The following HSPA12A variants were observed in gnomAD, a reference collection of about 807,000 sequenced individuals.
HSPA12A encodes the protein heat shock protein family A (Hsp70) member 12A, also known as heat shock 70 kDa protein 12A.
In HSPA12A, 28 loss-of-function variants were observed where a neutral mutation model predicts 69.2. That is an observed-to-expected ratio of 0.40 (90% confidence interval 0.30 to 0.55). The LOEUF is 0.55. HSPA12A is among the 20% of genes least tolerant of loss of function. The pLI, the probability that HSPA12A is intolerant of heterozygous loss-of-function variation, is 0.38. For synonymous variants in HSPA12A, 345 were observed against 370.5 expected (o/e 0.93, Z 0.79); for missense variants, 686 against 900.7 (o/e 0.76, Z 3.05).
At chr10:116,793,643 G>A (rs1399726624) in intron 2 of HSPA12A, among the ~76,000 whole-genome samples, 1 of 152,060 alleles carries the variant, frequency 6.6e-6, no homozygotes, top group African/African-American at 2.4e-5. Context: ...TGCAAATCAA[G>A]AGAGGGAGAA....
rs950546125 is a variant in HSPA12A at position 116,675,752 on chromosome 10, G to A, written c.1391-334C>T. Among the ~76,000 whole-genome samples the A allele has an allele frequency of 2.0e-5, 3 of 152,188 alleles. No homozygotes were observed. Among genetic ancestry groups the A allele is most frequent in the Non-Finnish European group, 4.4e-5 (3 of 68,038 alleles). On this transcript the variant is annotated intron_variant, in intron 11 of 11. Coordinates refer to ENST00000369209, the MANE Select transcript of HSPA12A (RefSeq NM_025015.3). The surrounding 1 kb of genome is among the most constrained non-coding windows in gnomAD (Gnocchi z 5.2). ...CTGTGGTTCTGTTGGGTAAGTCAAGGCAGGTTGTTATAAATAGAATTCTCT... is the reference window on the plus strand; with the variant it reads ...CTGTGGTTCTGTTGGGTAAGTCAAGACAGGTTGTTATAAATAGAATTCTCT...
chr10:116,844,226 T>C (rs1845845244), intron 1 of HSPA12A, among the ~76,000 whole-genome samples: 1 of 152,218 alleles, frequency 6.6e-6, no homozygotes, highest in African/African-American at 2.4e-5. Context: ...CTTTTGTGGC[T>C]GTTCTGCAGA....
chr10:116,698,542 C>T lies in HSPA12A; in HGVS notation c.546+93G>A, dbSNP rs1235678999. 11 of 935,540 alleles carry T rather than the reference C, an allele frequency of 1.2e-5. No individual in the cohort carries two copies. The African/African-American group carries it at 1.4e-4, about 12-fold the overall frequency. The allele number at this position is 935,540 out of a possible 1,614,324, so 58.0% of individuals were successfully genotyped here. A position where few individuals can be genotyped will look rare whatever the true frequency, so the allele number is the denominator to read the frequency against. ...CTCTCCCTCCAGGCTGTGCCTCCTA[C>T]CCTGGCCAGCAGGTGCAGCAGCCCG... On this transcript the variant is annotated intron_variant, in intron 5 of 11. Coordinates refer to ENST00000369209, the MANE Select transcript of HSPA12A (RefSeq NM_025015.3).
At chr10:116,793,435 G>A (rs761187429) in intron 2 of HSPA12A, among the ~76,000 whole-genome samples, 2 of 152,202 alleles carry the variant, frequency 1.3e-5, no homozygotes, top group African/African-American at 2.4e-5. Flanking sequence ...GCCAGGTATA[G>A]TGGTATGCAC....
At chr10:116,782,576 TG>T (rs1369420972) in intron 2 of HSPA12A, among the ~76,000 whole-genome samples, 1 of 152,130 alleles carries the variant, frequency 6.6e-6, no homozygotes, top group Admixed American at 6.6e-5. Flanking sequence ...AGTTGTAATG[TG>T]GAGCAAAAGA....
At chr10:116,839,605 A>G (rs1438866596) in intron 1 of HSPA12A, among the ~76,000 whole-genome samples, 1 of 72,796 alleles carries the variant, frequency 1.4e-5, no homozygotes, top group Non-Finnish European at 2.9e-5. Flanking sequence ...TGCCTACCGT[A>G]AAAAAAAAAA....
In HSPA12A at chr10:116,700,928, G is replaced by T; in HGVS notation, c.441+15C>A. The stretch of plus-strand genomic sequence containing the variant: ...CATTGCGGGGGACCTGGGCCCAGGG[G>T]AGAGGCTTGCTCACCCCAGTGGTGT... On this transcript the variant is annotated intron_variant, in intron 4 of 11. Transcript: ENST00000369209. 2 of 1,611,522 alleles carry T rather than the reference G, an allele frequency of 1.2e-6. No homozygotes were observed. Among genetic ancestry groups the T allele is most frequent in the Non-Finnish European group, 1.7e-6 (2 of 1,178,882 alleles).
intron 2 of HSPA12A, among the ~76,000 whole-genome samples, chr10:116,784,095 C>T (rs1844522574): frequency 6.6e-6 from 1 of 152,360 alleles, no homozygotes; most frequent in East Asian, 1.9e-4. Flanking sequence ...GACCTGGTTG[C>T]AGTGTTGACC....
chr10:116,810,786 G>A (rs762666335), intron 2 of HSPA12A, among the ~76,000 whole-genome samples: 12 of 152,142 alleles, frequency 7.9e-5, no homozygotes, highest in Non-Finnish European at 1.5e-4. Context: ...GAACCAGTGC[G>A]CTAATCAAAT....
intron 2 of HSPA12A, among the ~76,000 whole-genome samples, chr10:116,783,979 C>T (rs1033104075): frequency 1.3e-5 from 2 of 152,212 alleles, no homozygotes; most frequent in Non-Finnish European, 2.9e-5. Flanking sequence ...GCTAGGATTA[C>T]AGGTATGAGC....
intron 6 of HSPA12A, among the ~76,000 whole-genome samples, chr10:116,689,768 T>C (rs1165819969): frequency 6.7e-6 from 1 of 148,224 alleles, no homozygotes; most frequent in Non-Finnish European, 1.5e-5. Flanking sequence ...CCTGGGACAG[T>C]CAATGTTTAA....
In HSPA12A at chr10:116,698,493, G is replaced by A. The variant is rs1849980882; in HGVS notation, c.546+142C>T. ...CCAGCAGCGTGTGAGGGTTCATCCT[G>A]TTGTGTTGACTCCAAAGCCCACACT... On this transcript the variant is annotated intron_variant, in intron 5 of 11. Transcript: ENST00000369209. 6.8e-6 allele frequency: 4 copies of A among 589,794 alleles called. No homozygotes were observed. In the East Asian group the frequency reaches 1.1e-4, roughly 16 times the overall value. 36.5% of individuals were successfully genotyped at this position (589,794 alleles called of 1,614,324 possible). A position where few individuals can be genotyped will look rare whatever the true frequency, so the allele number is the denominator to read the frequency against.
intron 2 of HSPA12A, among the ~76,000 whole-genome samples, chr10:116,748,271 T>C (rs1344209545): frequency 6.6e-6 from 1 of 152,182 alleles, no homozygotes; most frequent in Non-Finnish European, 1.5e-5. Flanking sequence ...GTCACAGTAT[T>C]TGCCTGGAGG....
intron 2 of HSPA12A, chr10:116,831,064 C>A (rs1340987366): frequency 6.6e-6 from 1 of 152,230 alleles, no homozygotes; most frequent in Non-Finnish European, 1.5e-5. Context: ...CAGAACATAT[C>A]CCTGTCATAA....
chr10:116,746,061 C>T (rs114552451), upstream of HSPA12A, among the ~76,000 whole-genome samples: 2,269 of 152,110 alleles, frequency 0.015, 56 homozygotes, highest in African/African-American at 0.052. Flanking sequence ...TAGGATGGTG[C>T]CTGGCGCAGA....
chr10:116,779,291 C>T (rs1288397557), intron 2 of HSPA12A, among the ~76,000 whole-genome samples: 2 of 152,152 alleles, frequency 1.3e-5, no homozygotes, highest in African/African-American at 4.8e-5. Flanking sequence ...ACCCCAAACA[C>T]AAGAGTAGCA....
At chr10:116,797,849 G>A (rs933374893) in intron 2 of HSPA12A, among the ~76,000 whole-genome samples, 1 of 152,098 alleles carries the variant, frequency 6.6e-6, no homozygotes, top group Non-Finnish European at 1.5e-5. Flanking sequence ...TGAGGAAGGG[G>A]TGTCCATCAG....
At chr10:116,680,423 G>A (rs782519610) in intron 9 of HSPA12A, among the ~76,000 whole-genome samples, 1 of 152,206 alleles carries the variant, frequency 6.6e-6, no homozygotes, top group Non-Finnish European at 1.5e-5. Context: ...TAGTCCCTGT[G>A]TGATCCTCTA....
intron 2 of HSPA12A, among the ~76,000 whole-genome samples, chr10:116,810,940 G>C (rs1001569635): frequency 6.6e-6 from 1 of 152,152 alleles, no homozygotes; most frequent in African/African-American, 2.4e-5. Context: ...ATGTGGTCCT[G>C]CCCCACGGAA....
Sources: gnomAD v4.1 joint callset for allele counts (sites outside exome capture counted in the v4.1 genomes callset) on GRCh38, gnomAD v4.1.1 for gene constraint, Gnocchi (gnomAD v3.1) non-coding constraint, MANE v1.5 for transcripts, NCBI Gene and HGNC (gene_info 2026-07-23, HGNC 2026-07-21) for gene names.